Variants in ACSF2 observed in about 807,000 individuals in gnomAD.
ACSF2 encodes acyl-CoA synthetase family member 2, also known as medium-chain acyl-CoA ligase ACSF2, mitochondrial.
In ACSF2, 52 loss-of-function variants were observed where a neutral mutation model predicts 79.3. That is an observed-to-expected ratio of 0.66 (90% CI 0.53 to 0.83). ACSF2 has a LOEUF of 0.83. Among genes scored for constraint, ACSF2 ranks in the 40% least tolerant of loss-of-function variants. The pLI is 0.00. For missense variants in ACSF2, 661 were observed against 803.3 expected (o/e 0.82, Z 2.14); for synonymous variants, 283 against 312.6 (o/e 0.91, Z 1.00).
At chr17:50,464,022 G>T (rs569714002) in intron 9 of ACSF2, 113 bp downstream of exon 9, 7 of 673,760 alleles carry the variant, frequency 1.0e-5, no homozygotes, top group South Asian at 1.5e-5. Context: ...CAAGAAGGAC[G>T]CTGTAAAAAT....
intron 12 of ACSF2, 33 bp downstream of exon 12, chr17:50,472,612 C>T (rs369895540): frequency 6.4e-6 from 10 of 1,564,670 alleles, no homozygotes; most frequent in South Asian, 4.7e-5. Context: ...AGGCTCTGGC[C>T]GCTGAGGGGA....
At chr17:50,458,946 C>G (rs894019063) in intron 1 of ACSF2, among the ~76,000 whole-genome samples, 1 of 152,174 alleles carries the variant, frequency 6.6e-6, no homozygotes, top group Admixed American at 6.5e-5. Context: ...GTCTAATTTC[C>G]CCAGAGACAG....
In ACSF2 at chr17:50,471,084, C is replaced by T. The variant is rs775352131; in HGVS notation, c.1272C>T (p.Asp424=). ...TGACATTCGCGCACTTCCCTGAGGA[C>T]ACTGTGGAGCAGAAGGCAGAAAGCG... ...SPVTFAHFPE[D]TVEQKAESVG... The change falls in exon 11 of 16, where the codon GAC becomes GAT. Residue 424 remains aspartate (D), a synonymous_variant. Coordinates refer to ENST00000300441, the MANE Select transcript of ACSF2 (RefSeq NM_025149.6). The surrounding 1 kb of genome is among the most constrained non-coding windows in gnomAD (Gnocchi z 4.1). 7 of 1,614,024 alleles carry T rather than the reference C, an allele frequency of 4.3e-6. No homozygotes were observed. The highest frequency in any genetic ancestry group is 3.3e-5 in the South Asian group (3 of 91,062).
intron 10 of ACSF2, 58 bp from the exon 11 acceptor site, chr17:50,470,970 C>T: frequency 7.9e-7 from 1 of 1,271,290 alleles, no homozygotes; most frequent in Non-Finnish European, 1.1e-6. Context: ...TCAGATAGCT[C>T]ACCTGATCCC....
chr17:50,473,383 A>C, intron 12 of ACSF2: 2 of 402,838 alleles, frequency 5.0e-6, no homozygotes, highest in Non-Finnish European at 9.1e-6. Context: ...AGATGTCTGG[A>C]GACATTTGAG....
chr17:50,436,373 C>A (rs1333529384), intron 1 of ACSF2, among the ~76,000 whole-genome samples: 2 of 152,080 alleles, frequency 1.3e-5, no homozygotes, highest in Non-Finnish European at 2.9e-5. Context: ...TTGTGATCCA[C>A]CTGCCTTGGC....
At chr17:50,433,826 T>C (rs1029008144) in intron 1 of ACSF2, among the ~76,000 whole-genome samples, 1 of 152,016 alleles carries the variant, frequency 6.6e-6, no homozygotes, top group African/African-American at 2.4e-5. Flanking sequence ...ATTTCCACTT[T>C]GTTGCCCCAG....
Position 50,463,617 on chromosome 17 carries a change from C to T in ACSF2, c.1046+65C>T. The T allele has an allele frequency of 1.3e-6, 2 of 1,582,742 alleles. No homozygotes were observed. The highest frequency in any genetic ancestry group is 1.7e-6 in the Non-Finnish European group (2 of 1,162,510). The stretch of plus-strand genomic sequence containing the variant: ...CCCTCTTCTTCCTCACTCCTGGGCC[C>T]TGACACCTTTCCAAGCTGCCTCCTC... On this transcript the variant is annotated intron_variant, in intron 8 of 15. Coordinates refer to ENST00000300441, the MANE Select transcript of ACSF2 (RefSeq NM_025149.6). The surrounding 1 kb of genome is among the most constrained non-coding windows in gnomAD (Gnocchi z 4.6).
At chr17:50,464,374 A>G in intron 10 of ACSF2, 80 bp downstream of exon 10, 1 of 1,406,830 alleles carries the variant, frequency 7.1e-7, no homozygotes, top group East Asian at 2.3e-5. Flanking sequence ...GGATGAGTCC[A>G]GGCCAGATGT....
rs199693335 is a variant in ACSF2, at chr17:50,472,590, A to C, written c.1475+11A>C. The C allele has an allele frequency of 2.5e-5, 40 of 1,577,080 alleles. No homozygotes were observed. In the African/African-American group the frequency reaches 5.5e-4, roughly 22 times the overall value. On this transcript the variant is annotated intron_variant, in intron 12 of 15. Coordinates refer to ENST00000300441, the MANE Select transcript of ACSF2 (RefSeq NM_025149.6). ...GTGGTATTGGACAGGGTGAGAAGGC[A>C]GGGCGGGGTGGAGGCTCTGGCCGCT... is the stretch of plus-strand genomic sequence containing the variant.
At chr17:50,461,085 G>A (rs985502846) in intron 2 of ACSF2, 157 bp from the exon 3 acceptor site, 3 of 1,258,794 alleles carry the variant, frequency 2.4e-6, no homozygotes, top group Non-Finnish European at 3.3e-6. Flanking sequence ...TGTTAACTAT[G>A]CAGGCCCCAG....
chr17:50,453,434 C>T (rs2031798080), intron 1 of ACSF2, among the ~76,000 whole-genome samples: 1 of 152,034 alleles, frequency 6.6e-6, no homozygotes, highest in Admixed American at 6.6e-5. Flanking sequence ...TCTCAAACTC[C>T]TGACCTCAGA....
chr17:50,426,303 C>A lies in ACSF2; in HGVS notation c.42C>A (p.Cys14Ter). 1 of 1,415,958 alleles carries A rather than the reference C, an allele frequency of 7.1e-7. No individual in the cohort carries two copies. Among genetic ancestry groups the A allele is most frequent in the Non-Finnish European group, 9.3e-7 (1 of 1,079,218 alleles). The allele number at this position is 1,415,958 out of a possible 1,614,324, so 87.7% of individuals were successfully genotyped here. A position where few individuals can be genotyped will look rare whatever the true frequency, so the allele number is the denominator to read the frequency against. Reference protein sequence around the residue: ...YVGMLRLGRLCAGSSGVLGAR... With the variant: ...YVGMLRLGRL Reference sequence around the variant, plus strand: ...GGATGCTGCGCCTGGGGAGGCTGTGCGCCGGGAGCTCGGGGGTGCTGGGGG... The same window carrying A: ...GGATGCTGCGCCTGGGGAGGCTGTGAGCCGGGAGCTCGGGGGTGCTGGGGG... The change falls in exon 1 of 16, where the codon TGC (cysteine) becomes TGA (stop). Residue 14 changes from cysteine (C) to a stop codon, truncating the protein, a stop_gained. Coordinates refer to ENST00000300441, the MANE Select transcript of ACSF2 (RefSeq NM_025149.6). LOFTEE classifies it high-confidence loss of function.
intron 4 of ACSF2, 77 bp from the exon 5 acceptor site, chr17:50,462,107 C>T: frequency 8.0e-7 from 1 of 1,250,792 alleles, no homozygotes; most frequent in East Asian, 2.4e-5. Context: ...ATGAGAGCAG[C>T]TGATTAGTGA....
At chr17:50,436,449 T>G (rs1373654220) in intron 1 of ACSF2, among the ~76,000 whole-genome samples, 1 of 151,558 alleles carries the variant, frequency 6.6e-6, no homozygotes, top group Non-Finnish European at 1.5e-5. Flanking sequence ...ATTATTTTCC[T>G]GCGACAGAGT....
chr17:50,454,377 A>T (rs1370067910), intron 1 of ACSF2, among the ~76,000 whole-genome samples: 1 of 152,010 alleles, frequency 6.6e-6, no homozygotes, highest in African/African-American at 2.4e-5. Context: ...TTTAATTTTC[A>T]AAAGCAAAAA....
intron 1 of ACSF2, 96 bp from the exon 2 acceptor site, chr17:50,460,581 C>T: frequency 1.8e-6 from 2 of 1,142,304 alleles, no homozygotes; most frequent in South Asian, 1.5e-5. Flanking sequence ...AACACATTGT[C>T]AGCAGCCTAC....
chr17:50,473,705 G>A lies in ACSF2; in HGVS notation c.1516G>A (p.Val506Met), dbSNP rs200359340. 3.0e-4 allele frequency: 490 copies of A among 1,614,072 alleles called. No individual in the cohort carries two copies. Among genetic ancestry groups the A allele is most frequent in the Non-Finnish European group, 4.0e-4 (468 of 1,180,040 alleles). ...TMNEQGFCKIVGRSKDMIIRG... is the reference protein window; with the variant it reads ...TMNEQGFCKIMGRSKDMIIRG... ...GAATGAGCAGGGCTTCTGCAAGATC[G>A]TGGGCCGCTCTAAGGATATGATCAT... is the stretch of plus-strand genomic sequence containing the variant. Residue 506 changes from valine to methionine, a missense_variant, in exon 13 of 16, where the codon GTG becomes ATG. Coordinates refer to ENST00000300441, the MANE Select transcript of ACSF2 (RefSeq NM_025149.6).
In ACSF2 at chr17:50,473,670, T is replaced by G; in HGVS notation, c.1481T>G (p.Val494Gly). 2.5e-6 allele frequency: 4 copies of G among 1,614,158 alleles called. No homozygotes were observed. The highest frequency in any genetic ancestry group is 3.4e-6 in the Non-Finnish European group (4 of 1,180,024). ...CCCCTGGGCTTTCCTTACAGAGATG[T>G]CGCCACAATGAATGAGCAGGGCTTC... ...DQDKWYWTGD[V>G]ATMNEQGFCK... The change falls in exon 13 of 16, where the codon GTC becomes GGC. Residue 494 changes from valine to glycine, a missense_variant. Transcript: ENST00000300441.
Sources: gnomAD v4.1 joint callset for allele counts (sites outside exome capture counted in the v4.1 genomes callset) on GRCh38, gnomAD v4.1.1 for gene constraint, Gnocchi (gnomAD v3.1) non-coding constraint, MANE v1.5 for transcripts, NCBI Gene and HGNC (gene_info 2026-07-23, HGNC 2026-07-21) for gene names.